The following AMOT variants were observed in gnomAD, a reference collection of about 807,000 sequenced individuals.
AMOT encodes the protein angiomotin.
A neutral mutation model predicts 67.0 loss-of-function variants in AMOT; 11 were observed. The observed-to-expected ratio is 0.16, with a 90% confidence interval of 0.10 to 0.27. The LOEUF (loss-of-function observed/expected upper bound fraction) is 0.27. Ranked by LOEUF, AMOT falls within the 10% of genes least tolerant of loss-of-function variation. The pLI, the probability that AMOT is intolerant of heterozygous loss-of-function variation, is 1.00. For synonymous variants in AMOT, 326 were observed against 321.4 expected (o/e 1.01, Z -0.15); for missense variants, 753 against 852.0 (o/e 0.88, Z 1.45).
chrX:112,809,076 C>T lies in AMOT; in HGVS notation c.1630+818G>A, dbSNP rs138038259. 2.6e-3 allele frequency among the ~76,000 whole-genome samples: 284 copies of T among 111,241 alleles called. 1 individual carries two copies. The highest frequency in any genetic ancestry group is 9.1e-3 in the African/African-American group (277 of 30,579). ...GATGGAAGAGAATGGCAAATCCCTA[C>T]TGAGCACAACTACAGCCAGAGCTAC... is the stretch of plus-strand genomic sequence containing the variant. On this transcript the variant is annotated intron_variant, in intron 7 of 13. Coordinates refer to ENST00000371959, the MANE Select transcript of AMOT (RefSeq NM_001113490.2).
At chrX:112,805,213 AC>A in intron 7 of AMOT, 121 bp from the exon 8 acceptor site, 1 of 819,586 alleles carries the variant, frequency 1.2e-6, no homozygotes, top group Non-Finnish European at 1.7e-6. Flanking sequence ...CAGCTGAAGA[AC>A]CAGTATACCC....
rs1425363538 is a variant in AMOT, at chrX:112,840,591, T to C, written c.-428A>G. The C allele has an allele frequency of 8.9e-6, 1 of 112,969 alleles. No individual in the cohort carries two copies. The highest frequency in any genetic ancestry group is 1.9e-5 in the Non-Finnish European group (1 of 53,331). 9.3% of individuals were successfully genotyped at this position (112,969 alleles called of 1,213,427 possible). A position where few individuals can be genotyped will look rare whatever the true frequency, so the allele number is the denominator to read the frequency against. On this transcript the variant is annotated 5_prime_UTR_variant, in exon 1 of 14. Transcript: ENST00000371959. Reference sequence around the variant, plus strand: ...CCTCGCTGCTCCGTCCGGGCTCTCCTTGGTGGCAGCGGACAGGCAGGATAC... The same window carrying C: ...CCTCGCTGCTCCGTCCGGGCTCTCCCTGGTGGCAGCGGACAGGCAGGATAC...
rs960976094 is a variant in AMOT, at chrX:112,830,401, C to G, written c.-212+1893G>C. On this transcript the variant is annotated intron_variant, in intron 2 of 13. Coordinates refer to ENST00000371959, the MANE Select transcript of AMOT (RefSeq NM_001113490.2). ...CATGTAAATTGCTTCCAATTTTATG[C>G]TAATCTAAATAATGTTACAAAAACA... Among the ~76,000 whole-genome samples, 10 of 112,578 alleles carry G rather than the reference C, an allele frequency of 8.9e-5. No homozygotes were observed. In the Admixed American group the frequency reaches 9.4e-4, roughly 11 times the overall value.
intron 4 of AMOT, among the ~76,000 whole-genome samples, chrX:112,816,505 C>T (rs781314924): frequency 3.7e-4 from 42 of 112,038 alleles, no homozygotes; most frequent in Non-Finnish European, 6.8e-4. Context: ...TTAATGATTC[C>T]CATTAGCAGT....
chrX:112,836,255 T>C (rs915029221), intron 1 of AMOT, among the ~76,000 whole-genome samples: 1 of 111,662 alleles, frequency 9.0e-6, no homozygotes, highest in Non-Finnish European at 1.9e-5. Flanking sequence ...CAGTGGACCC[T>C]AGTTTTGTTG....
At position 112,779,059 on chromosome X, in the gene AMOT, G is replaced by A. The variant is rs138992506; in HGVS notation, c.3095C>T (p.Ala1032Val). 3.4e-4 allele frequency: 405 copies of A among 1,207,493 alleles called. 5 individuals carry two copies. In the African/African-American group the frequency reaches 6.4e-3, roughly 19 times the overall value. ...CAAACGATGTGGTCCAGGACCGGTAGCTGGACTTGCAGGAACCTCAGCCTG... is the reference window on the plus strand; with the variant it reads ...CAAACGATGTGGTCCAGGACCGGTAACTGGACTTGCAGGAACCTCAGCCTG... ...VAQAEVPASP[A>V]TGPGPHRLSI... Residue 1032 changes from alanine to valine, a missense_variant, in exon 13 of 14, where the codon GCT (alanine) becomes GTT (valine). By Grantham distance (64) the Ala-to-Val change is moderately conservative. Coordinates refer to ENST00000371959, the MANE Select transcript of AMOT (RefSeq NM_001113490.2).
chrX:112,813,454 C>G (rs889313842), intron 5 of AMOT, among the ~76,000 whole-genome samples: 2 of 111,753 alleles, frequency 1.8e-5, no homozygotes, highest in Non-Finnish European at 3.8e-5. Context: ...TCCCCACTTT[C>G]CTTTTCCTCT....
chrX:112,814,607 C>T (rs1370718057), intron 5 of AMOT, among the ~76,000 whole-genome samples: 1 of 112,231 alleles, frequency 8.9e-6, no homozygotes, highest in African/African-American at 3.2e-5. Flanking sequence ...TAAGGTTCCT[C>T]GCTTGGGGTA....
intron 10 of AMOT, among the ~76,000 whole-genome samples, chrX:112,789,235 A>C (rs1265585980): frequency 8.9e-6 from 1 of 112,020 alleles, no homozygotes; most frequent in East Asian, 2.8e-4. Flanking sequence ...TGCTGGACAC[A>C]GGTGTTTCCT....
chrX:112,815,346 C>T lies in AMOT; in HGVS notation c.1392+12G>A, dbSNP rs377140504. ...ACTTAGAGACCCTAATATCCCAAAACGGAAGCCTCACCTTCTGCAGTCTTG... is the reference window on the plus strand; with the variant it reads ...ACTTAGAGACCCTAATATCCCAAAATGGAAGCCTCACCTTCTGCAGTCTTG... On this transcript the variant is annotated intron_variant, in intron 5 of 13. Coordinates refer to ENST00000371959, the MANE Select transcript of AMOT (RefSeq NM_001113490.2). 2.0e-5 allele frequency: 24 copies of T among 1,196,586 alleles called. No homozygotes were observed. The highest frequency in any genetic ancestry group is 2.7e-5 in the Non-Finnish European group (24 of 888,389).
chrX:112,779,657 G>A lies in AMOT; in HGVS notation c.2497C>T (p.Arg833Cys), dbSNP rs150165900. The A allele has an allele frequency of 5.0e-6, 6 of 1,200,048 alleles. No individual in the cohort carries two copies. The highest frequency in any genetic ancestry group is 1.8e-5 in the African/African-American group (1 of 56,579). ...GGTGTGGAAGGGACATATTCAGCAC[G>A]GTAGTCTCCACCCAGGAGAATGCCT... ...SLGILLGGDY[R>C]AEYVPSTPSP... is the part of the protein sequence containing the mutation. The change falls in exon 13 of 14, where the codon CGT becomes TGT. Residue 833 changes from arginine (R) to cysteine (C), a missense_variant. Arg to Cys is a radical substitution (Grantham distance 180). Coordinates refer to ENST00000371959, the MANE Select transcript of AMOT (RefSeq NM_001113490.2).
chrX:112,815,970 G>A (rs1364241059), intron 4 of AMOT, 93 bp from the exon 5 acceptor site: 4 of 1,087,601 alleles, frequency 3.7e-6, no homozygotes, highest in Non-Finnish European at 4.8e-6. Context: ...GGCTTCTGAT[G>A]CCCCCAGGAC....
chrX:112,815,600 G>C lies in AMOT; in HGVS notation c.1150C>G (p.Gln384Glu). ...LSQQQQQQQQ[Q>E]HHHHHHHQQQ... ...TGGTGGTGATGGTGATGATGGTGCT[G>C]CTGCTGCTGTTGCTGCTGCTGCTGA... The change falls in exon 5 of 14, where the codon CAG becomes GAG. Residue 384 changes from glutamine (Q) to glutamate (E), a missense_variant. By Grantham distance (29) the Gln-to-Glu change is conservative. Transcript: ENST00000371959. 1 of 1,208,882 alleles carries C rather than the reference G, an allele frequency of 8.3e-7. No homozygotes were observed. The highest frequency in any genetic ancestry group is 1.1e-6 in the Non-Finnish European group (1 of 893,966).
intron 10 of AMOT, among the ~76,000 whole-genome samples, chrX:112,789,268 C>A (rs1214061790): frequency 8.9e-6 from 1 of 111,780 alleles, no homozygotes; most frequent in Non-Finnish European, 1.9e-5. Flanking sequence ...GGTAAAATTA[C>A]ATTTAATTCT....
chrX:112,816,448 A>G (rs1182257801), intron 4 of AMOT, among the ~76,000 whole-genome samples: 1 of 111,944 alleles, frequency 8.9e-6, no homozygotes, highest in Non-Finnish European at 1.9e-5. Flanking sequence ...GTAGATACTT[A>G]TATTAGAGAC....
Position 112,778,320 on chromosome X carries a change from A to ATCTG in AMOT, c.*246_*247insCAGA. Reference sequence around the variant, plus strand: ...TGTTAACAGTCCCAGTATTCGTATAAATTCAAACAATAAGCTTTAGAGCAC... The same window carrying ATCTG: ...TGTTAACAGTCCCAGTATTCGTATAATCTGATTCAAACAATAAGCTTTAGAGCAC... On this transcript the variant is annotated 3_prime_UTR_variant, in exon 14 of 14. Transcript: ENST00000371959. 1 of 265,331 alleles carries ATCTG rather than the reference A, an allele frequency of 3.8e-6. No homozygotes were observed. The allele number at this position is 265,331 out of a possible 1,213,427, so 21.9% of individuals were successfully genotyped here.
At chrX:112,815,052 T>C (rs35123776) in intron 5 of AMOT, among the ~76,000 whole-genome samples, 3 of 112,317 alleles carry the variant, frequency 2.7e-5, no homozygotes, top group Non-Finnish European at 5.6e-5. Flanking sequence ...AGTATTCTTA[T>C]CAAGAAGTAT....
chrX:112,818,814 C>T (rs781377843), intron 4 of AMOT, among the ~76,000 whole-genome samples: 28 of 111,260 alleles, frequency 2.5e-4, no homozygotes, highest in Non-Finnish European at 5.7e-5. Context: ...CCAGGTCCTT[C>T]CAGCACACAG....
intron 10 of AMOT, among the ~76,000 whole-genome samples, chrX:112,786,619 T>C (rs984764285): frequency 8.9e-6 from 1 of 112,142 alleles, no homozygotes; most frequent in Non-Finnish European, 1.9e-5. Flanking sequence ...GGTAACTAAA[T>C]AATTAGCCTC....
Sources: gnomAD v4.1 joint callset for allele counts (sites outside exome capture counted in the v4.1 genomes callset) on GRCh38, gnomAD v4.1.1 for gene constraint, MANE v1.5 for transcripts, NCBI Gene and HGNC (gene_info 2026-07-23, HGNC 2026-07-21) for gene names.